AARS1: variants seen among roughly 807,000 people sequenced by gnomAD.
AARS1 encodes the protein alanine--tRNA ligase, cytoplasmic.
Under a neutral mutation model 108.9 loss-of-function variants are expected in AARS1, and 72 were observed. The ratio of observed to expected loss-of-function variants is 0.66; its 90% confidence interval spans 0.55 to 0.80. The LOEUF (loss-of-function observed/expected upper bound fraction) is 0.80, where lower values mean the gene tolerates loss of function less well. AARS1 is among the 30% of genes least tolerant of loss of function. The pLI is 0.00. For missense variants in AARS1, 1,193 were observed against 1,233.2 expected, an observed-to-expected ratio of 0.97 and a Z score of 0.49; for synonymous variants, 489 against 465.7, an observed-to-expected ratio of 1.05 and a Z score of -0.64.
intron 19 of AARS1, 45 bp downstream of exon 19, chr16:70,253,669 A>G (rs749782227): frequency 6.3e-7 from 1 of 1,594,602 alleles, no homozygotes; most frequent in Non-Finnish European, 8.6e-7. Flanking sequence ...CAGCCACCAG[A>G]GAGCTGATGA....
intron 4 of AARS1, among the ~76,000 whole-genome samples, chr16:70,272,924 A>ACACACAC (rs1567608986): frequency 7.3e-5 from 11 of 150,886 alleles, no homozygotes; most frequent in Non-Finnish European, 1.5e-4. Context: ...ACACACACAC[A>ACACACAC]AAAGATTGTG....
intron 4 of AARS1, among the ~76,000 whole-genome samples, chr16:70,272,780 G>GA (rs937060310): frequency 6.6e-6 from 1 of 151,396 alleles, no homozygotes; most frequent in African/African-American, 2.4e-5. Flanking sequence ...AAATTAGCTG[G>GA]GGGGGTGATG....
At chr16:70,276,723 CACA>C (rs1240487703) in intron 3 of AARS1, 92 bp from the exon 4 acceptor site, 25 of 1,412,668 alleles carry the variant, frequency 1.8e-5, no homozygotes, top group South Asian at 1.2e-4. Flanking sequence ...GATACAAAAT[CACA>C]ACATGTTCAC....
intron 13 of AARS1, among the ~76,000 whole-genome samples, chr16:70,259,659 T>C (rs77790607): frequency 0.045 from 6,874 of 152,126 alleles, 369 homozygotes; most frequent in East Asian, 0.23. Context: ...ATATTTTTTA[T>C]TTTTTTGTAG....
Position 70,252,774 on chromosome 16 carries a change from G to A in AARS1, c.2854C>T (p.Leu952=). The change falls in exon 21 of 21, where the codon CTG becomes TTG. Residue 952 remains leucine (L), a synonymous_variant. Coordinates refer to ENST00000261772, the MANE Select transcript of AARS1 (RefSeq NM_001605.3). ...GKNVGCLQEA[L]QLATSFAQLR... ...TGGGCGAAGGAAGTGGCCAGCTGCA[G>A]CGCCTCCTGCAGGCAGCCAACGTTC... The A allele has an allele frequency of 6.2e-7, 1 of 1,614,222 alleles. No homozygotes were observed. Among genetic ancestry groups the A allele is most frequent in the Non-Finnish European group, 8.5e-7 (1 of 1,180,046 alleles).
At position 70,271,898 on chromosome 16, in the gene AARS1, C is replaced by A. The variant is rs755753937; in HGVS notation, c.554G>T (p.Gly185Val). The A allele has an allele frequency of 3.7e-6, 6 of 1,614,012 alleles. No individual in the cohort carries two copies. In the South Asian group the frequency reaches 6.6e-5, roughly 18 times the overall value. ...GTCGTAGTGGATCTCACTGCAAGGACCACAGGGGCCCGTGTCACCCATCTC... is the reference window on the plus strand; with the variant it reads ...GTCGTAGTGGATCTCACTGCAAGGAACACAGGGGCCCGTGTCACCCATCTC... ...FWEMGDTGPC[G>V]PCSEIHYDRI... Residue 185 changes from glycine to valine, a missense_variant, in exon 5 of 21, where the codon GGT becomes GTT. By Grantham distance (109) the Gly-to-Val change is moderately radical. Transcript: ENST00000261772.
At chr16:70,270,477 G>A in intron 5 of AARS1, 137 bp from the exon 6 acceptor site, 1 of 987,134 alleles carries the variant, frequency 1.0e-6, no homozygotes, top group Non-Finnish European at 1.6e-6. Context: ...GGTGGGAAGA[G>A]GGAAGTGGAG....
chr16:70,272,238 C>T (rs1189614712), intron 4 of AARS1, among the ~76,000 whole-genome samples: 1 of 152,110 alleles, frequency 6.6e-6, no homozygotes, highest in Non-Finnish European at 1.5e-5. Flanking sequence ...GGCGTGGTGG[C>T]TCATGCCTGT....
At chr16:70,272,024 C>G in intron 4 of AARS1, 52 bp from the exon 5 acceptor site, 1 of 1,564,274 alleles carries the variant, frequency 6.4e-7, no homozygotes, top group South Asian at 1.1e-5. Flanking sequence ...AAGAGTTCTG[C>G]CCAGACTTGC....
chr16:70,253,677 T>A (rs772756523), intron 19 of AARS1, 37 bp downstream of exon 19: 16 of 1,604,498 alleles, frequency 1.0e-5, no homozygotes, highest in Non-Finnish European at 1.3e-5. Context: ...AGAGAGCTGA[T>A]GAGCCCTAGG....
intron 2 of AARS1, among the ~76,000 whole-genome samples, chr16:70,278,565 CAA>C (rs545540368): frequency 3.4e-4 from 28 of 83,472 alleles, no homozygotes; most frequent in Non-Finnish European, 2.8e-4. Flanking sequence ...ACTCTGTCTC[CAA>C]AAAAAAAAAA....
chr16:70,255,719 C>T lies in AARS1; in HGVS notation c.2286+9G>A, dbSNP rs562701476. ...TCAGATAAGCCACAAACCAGCCTGACCTGCTCACCTTCTGGGCCTCGGCAC... is the reference window on the plus strand; with the variant it reads ...TCAGATAAGCCACAAACCAGCCTGATCTGCTCACCTTCTGGGCCTCGGCAC... On this transcript the variant is annotated intron_variant, in intron 16 of 20. Coordinates refer to ENST00000261772, the MANE Select transcript of AARS1 (RefSeq NM_001605.3). The T allele has an allele frequency of 1.9e-6, 3 of 1,613,726 alleles. No homozygotes were observed. The highest frequency in any genetic ancestry group is 1.7e-5 in the Admixed American group (1 of 60,016).
intron 11 of AARS1, among the ~76,000 whole-genome samples, 183 bp downstream of exon 11, chr16:70,264,775 T>C (rs1315696600): frequency 6.6e-6 from 1 of 151,970 alleles, no homozygotes; most frequent in Non-Finnish European, 1.5e-5. Flanking sequence ...TATTTCAAAA[T>C]AGAGTTAAGA....
At chr16:70,262,993 AAAAAAC>A (rs1960177947) in intron 11 of AARS1, among the ~76,000 whole-genome samples, 1 of 141,290 alleles carries the variant, frequency 7.1e-6, no homozygotes, top group Admixed American at 6.9e-5. Flanking sequence ...AAAAAAAAAA[AAAAAAC>A]AACAACAACA....
In AARS1 at chr16:70,268,405, A is replaced by T. The variant is rs1170080397; in HGVS notation, c.963-26T>A. 3.1e-6 allele frequency: 5 copies of T among 1,602,120 alleles called. No homozygotes were observed. The African/African-American group carries it at 6.7e-5, about 21-fold the overall frequency. On this transcript the variant is annotated intron_variant, in intron 7 of 20. Transcript: ENST00000261772. ...CTGTAAGAGGCAAAAACTAGTCCCC[A>T]ACGTTCCCAGCTGAGGGTTTTGTCT...
At chr16:70,282,028 T>A (rs1378599986) in intron 2 of AARS1, among the ~76,000 whole-genome samples, 1 of 152,022 alleles carries the variant, frequency 6.6e-6, no homozygotes, top group Non-Finnish European at 1.5e-5. Context: ...GGTGGGCACC[T>A]GTAGTCCCAG....
At chr16:70,287,429 C>CT (rs925896885) in intron 1 of AARS1, among the ~76,000 whole-genome samples, 79 of 148,090 alleles carry the variant, frequency 5.3e-4, no homozygotes, top group African/African-American at 1.8e-3. Flanking sequence ...CCTGTTTCAA[C>CT]TTTTTTTTTG....
intron 2 of AARS1, among the ~76,000 whole-genome samples, chr16:70,279,228 G>GT (rs1273307971): frequency 6.6e-6 from 1 of 151,396 alleles, no homozygotes; most frequent in Non-Finnish European, 1.5e-5. Flanking sequence ...GGGGGTGCCT[G>GT]TAGTCCCAGC....
Position 70,252,659 on chromosome 16 carries a change from G to A in AARS1, c.*62C>T. ...AAGGTCCCAAGATTCAAATGTTCTT[G>A]TAGCAGATGAAGAGCTCTTGGCTGG... is the stretch of plus-strand genomic sequence containing the variant. On this transcript the variant is annotated 3_prime_UTR_variant, in exon 21 of 21. Transcript: ENST00000261772. 1.3e-6 allele frequency: 2 copies of A among 1,571,340 alleles called. No individual in the cohort carries two copies. The highest frequency in any genetic ancestry group is 1.3e-5 in the African/African-American group (1 of 74,164).
Sources: allele counts gnomAD v4.1 joint callset (sites outside exome capture counted in the v4.1 genomes callset), GRCh38; gene constraint gnomAD v4.1.1; transcripts MANE v1.5; gene names NCBI Gene and HGNC (gene_info 2026-07-23, HGNC 2026-07-21).